The following ITFG2 variants were observed in gnomAD, a reference collection of about 807,000 sequenced individuals.
ITFG2 encodes KICSTOR complex protein ITFG2.
Under a neutral mutation model 54.4 loss-of-function variants are expected in ITFG2, and 36 were observed. That is an observed-to-expected ratio of 0.66 (90% CI 0.51 to 0.87). The LOEUF is 0.87. ITFG2 is among the 40% of genes least tolerant of loss of function. ITFG2 has a pLI of 0.00. For missense variants in ITFG2, 524 were observed against 576.7 expected (o/e 0.91, Z 0.94); for synonymous variants, 211 against 225.4 (o/e 0.94, Z 0.57).
At position 2,823,811 on chromosome 12, in the gene ITFG2, GTA is replaced by G; in HGVS notation, c.1112_1113del (p.Tyr371CysfsTer45). 2 of 1,602,376 alleles carry G rather than the reference GTA, an allele frequency of 1.2e-6. No individual in the cohort carries two copies. Among genetic ancestry groups the G allele is most frequent in the Non-Finnish European group, 1.7e-6 (2 of 1,173,422 alleles). On this transcript the variant is annotated frameshift_variant, in exon 11 of 12. Coordinates refer to ENST00000228799, the MANE Select transcript of ITFG2 (RefSeq NM_018463.4). LOFTEE classifies it high-confidence loss of function. ...AGAGGGCCGCAACAGCCCCTGCCTC[GTA>G]TATGTCACTTTCAACCAGAAGATCT... Reference protein sequence around the residue: ...CKEGRNSPCLVYVTFNQKIYV... With the variant: ...CKEGRNSPCLXYVTFNQKIYV...
intron 2 of ITFG2, chr12:2,857,281 C>T: frequency 5.6e-6 from 3 of 538,516 alleles, no homozygotes; most frequent in Non-Finnish European, 6.7e-6. Flanking sequence ...AGAAGAAAAG[C>T]AGGGCAGGCT....
At chr12:2,858,002 C>A (rs577133082) in intron 2 of ITFG2, 1 of 152,908 alleles carries the variant, frequency 6.5e-6, no homozygotes, top group Admixed American at 6.5e-5. Context: ...ACCAGGATTT[C>A]TTCTTGCAGG....
At chr12:2,827,252 G>A, downstream of ITFG2, 1 of 1,614,126 alleles carries the variant, frequency 6.2e-7, no homozygotes. This position sits in a 1 kb window ranked among gnomAD's most constrained non-coding sequence, Gnocchi z 4.0. Flanking sequence ...GTAGCTCTGA[G>A]AACGGGGCTT....
rs763342654 is a variant in ITFG2, at chr12:2,822,962, C to A, written c.1066+51C>A. On this transcript the variant is annotated intron_variant, in intron 10 of 11. Coordinates refer to ENST00000228799, the MANE Select transcript of ITFG2 (RefSeq NM_018463.4). Reference sequence around the variant, plus strand: ...TCTAACCACACTTAAGTTAGATAGGCGTGTTAGGCATGCCAGGGAAGTGTT... The same window carrying A: ...TCTAACCACACTTAAGTTAGATAGGAGTGTTAGGCATGCCAGGGAAGTGTT... The A allele has an allele frequency of 5.1e-6, 7 of 1,362,136 alleles. No individual in the cohort carries two copies. In the African/African-American group the frequency reaches 7.2e-5, roughly 14 times the overall value. 84.4% of individuals were successfully genotyped at this position (1,362,136 alleles called of 1,614,324 possible).
At position 2,845,905 on chromosome 12, in the gene ITFG2, T is replaced by C. The variant is rs2098052141; in HGVS notation, n.300+4910T>C. Among the ~76,000 whole-genome samples the C allele has an allele frequency of 6.6e-6, 1 of 152,102 alleles. No homozygotes were observed. The highest frequency in any genetic ancestry group is 2.4e-5 in the African/African-American group (1 of 41,426). ...TTTGTTGAGTTAGGGTCTCACTGTA[T>C]TCCCCAGGCTGGTCTGAAACTCCTG... On this transcript the variant is annotated intron_variant and non_coding_transcript_variant, in intron 2 of 3. Coordinates refer to the ITFG2 transcript ENST00000537710. The surrounding 1 kb of genome is among the most constrained non-coding windows in gnomAD (Gnocchi z 4.2).
Position 2,823,750 on chromosome 12 carries a change from T to A in ITFG2, c.1067-20T>A. On this transcript the variant is annotated intron_variant, in intron 10 of 11. Coordinates refer to ENST00000228799, the MANE Select transcript of ITFG2 (RefSeq NM_018463.4). ...GCACTGAAACTTCCTGACCTTTATCTCCCTGCCAACATCTTCCAGGCCTGT... is the reference window on the plus strand; with the variant it reads ...GCACTGAAACTTCCTGACCTTTATCACCCTGCCAACATCTTCCAGGCCTGT... 1.3e-6 allele frequency: 2 copies of A among 1,528,400 alleles called. No homozygotes were observed. Among genetic ancestry groups the A allele is most frequent in the Non-Finnish European group, 1.8e-6 (2 of 1,135,934 alleles). 94.7% of individuals were successfully genotyped at this position (1,528,400 alleles called of 1,614,324 possible).
Position 2,820,813 on chromosome 12 carries a change from T to C in ITFG2, c.636T>C (p.Cys212=), listed in dbSNP as rs545766779. ...QPGCAYAILL[C]TWKKDTGSPP... ...GTTGTGCGTATGCAATTCTACTGTG[T>C]ACCTGGAAAAAGGACACTGGGTCCC... The change falls in exon 6 of 12, where the codon TGT becomes TGC. Residue 212 remains cysteine (C), a synonymous_variant. Transcript: ENST00000228799. 5.9e-4 allele frequency: 948 copies of C among 1,614,066 alleles called. 13 individuals are homozygous for C. The South Asian group carries it at 9.4e-3, about 16-fold the overall frequency.
chr12:2,821,683 C>T lies in ITFG2; in HGVS notation c.848-9C>T. 6.2e-7 allele frequency: 1 copy of T among 1,613,652 alleles called. No individual in the cohort carries two copies. The highest frequency in any genetic ancestry group is 8.5e-7 in the Non-Finnish European group (1 of 1,179,574). On this transcript the variant is annotated splice_polypyrimidine_tract_variant and intron_variant, in intron 8 of 11. Coordinates refer to ENST00000228799, the MANE Select transcript of ITFG2 (RefSeq NM_018463.4). ...CCCACCCACACTCAGCCTGCCTCTC[C>T]CCCGGCAGGGACACTGAAGCTCATG...
At position 2,821,253 on chromosome 12, in the gene ITFG2, T is replaced by C. The variant is rs767178839; in HGVS notation, c.696-9T>C. On this transcript the variant is annotated splice_polypyrimidine_tract_variant and intron_variant, in intron 6 of 11. Transcript: ENST00000228799. ...TCTCCCGCTTGATCCGTCCACCTGC[T>C]GTGCACAGGGAGACCCCAGCTGCCC... 2.4e-5 allele frequency: 39 copies of C among 1,598,968 alleles called. No individual in the cohort carries two copies. The highest frequency in any genetic ancestry group is 3.2e-5 in the Non-Finnish European group (37 of 1,171,522).
At chr12:2,832,492 T>G (rs976410560), upstream of ITFG2, among the ~76,000 whole-genome samples, 1 of 151,888 alleles carries the variant, frequency 6.6e-6, no homozygotes, top group Non-Finnish European at 1.5e-5. Flanking sequence ...TTAACACACT[T>G]TATTTGAGAG....
chr12:2,850,918 C>T (rs1029359967), intron 2 of ITFG2, among the ~76,000 whole-genome samples: 5 of 151,500 alleles, frequency 3.3e-5, no homozygotes, highest in Admixed American at 2.0e-4. Flanking sequence ...GTGATTCGCC[C>T]GCCTTGGCCT....
chr12:2,840,037 G>T (rs965973657), intron 1 of ITFG2, among the ~76,000 whole-genome samples: 2 of 150,150 alleles, frequency 1.3e-5, no homozygotes, highest in Non-Finnish European at 2.9e-5. Context: ...ATCAAGAGAA[G>T]CCCAGACCTG....
At chr12:2,832,317 A>G (rs993738032), upstream of ITFG2, among the ~76,000 whole-genome samples, 1 of 151,958 alleles carries the variant, frequency 6.6e-6, no homozygotes, top group African/African-American at 2.4e-5. Context: ...CACAGTCCAC[A>G]TGACCGGGCC....
rs772435919 is a variant in ITFG2, at chr12:2,856,999, T to C, written n.301-1013T>C. The C allele has an allele frequency of 1.0e-5, 7 of 703,000 alleles. No individual in the cohort carries two copies. In the South Asian group the frequency reaches 1.0e-4, roughly 10 times the overall value. The allele number at this position is 703,000 out of a possible 1,614,324, so 43.5% of individuals were successfully genotyped here. A position where few individuals can be genotyped will look rare whatever the true frequency, so the allele number is the denominator to read the frequency against. On this transcript the variant is annotated intron_variant and non_coding_transcript_variant, in intron 2 of 3. Coordinates refer to the ITFG2 transcript ENST00000537710. ...ATATGAGATGGGTGACTGGGCCCTC[T>C]GAGTGATCTTTGCCGGTTACTGGCC...
Position 2,830,358 on chromosome 12 carries a change from C to T in ITFG2, c.*60-476C>T, listed in dbSNP as rs115812480. 649 of 181,118 alleles carry T rather than the reference C, an allele frequency of 3.6e-3. 6 individuals are homozygous for T. The highest frequency in any genetic ancestry group is 0.014 in the African/African-American group (611 of 42,594). The allele number at this position is 181,118 out of a possible 1,614,324, so 11.2% of individuals were successfully genotyped here. On this transcript the variant is annotated intron_variant and NMD_transcript_variant, in intron 2 of 2. Coordinates refer to the ITFG2 transcript ENST00000538822. ...AGTGGTTAAGTGGTTCCAGAGATTA[C>T]AGGGCCAATGCCTTAGAACACATGA...
At chr12:2,850,129 A>G (rs1386571009) in intron 2 of ITFG2, among the ~76,000 whole-genome samples, 1 of 152,056 alleles carries the variant, frequency 6.6e-6, no homozygotes, top group Non-Finnish European at 1.5e-5. Context: ...CACTGCCCTC[A>G]AGGTCAGTTA....
intron 1 of ITFG2, among the ~76,000 whole-genome samples, chr12:2,837,432 C>G (rs1426609793): frequency 5.3e-5 from 8 of 151,420 alleles, no homozygotes; most frequent in Non-Finnish European, 1.2e-4. Flanking sequence ...GAGCCGAGAT[C>G]ACGCCACTGC....
chr12:2,816,490 C>T (rs552616717), intron 1 of ITFG2, among the ~76,000 whole-genome samples: 10 of 151,560 alleles, frequency 6.6e-5, no homozygotes, highest in African/African-American at 1.7e-4. Context: ...CCACCATGCC[C>T]GGCTAATTTT....
chr12:2,855,479 T>C, intron 2 of ITFG2: 1 of 1,394,372 alleles, frequency 7.2e-7, no homozygotes, highest in South Asian at 1.7e-5. Flanking sequence ...CTGGGGAAGG[T>C]TGTGCAGACA....
Sources: gnomAD v4.1 joint callset for allele counts (sites outside exome capture counted in the v4.1 genomes callset) on GRCh38, gnomAD v4.1.1 for gene constraint, Gnocchi (gnomAD v3.1) non-coding constraint, MANE v1.5 for transcripts, NCBI Gene and HGNC (gene_info 2026-07-23, HGNC 2026-07-21) for gene names.